The following CCDC7 variants were observed in gnomAD, a reference collection of about 807,000 sequenced individuals.
CCDC7 encodes the protein coiled-coil domain containing 7.
Under a neutral mutation model 196.9 loss-of-function variants are expected in CCDC7, and 183 were observed. The observed-to-expected ratio is 0.93, with a 90% confidence interval of 0.82 to 1.05. The LOEUF (loss-of-function observed/expected upper bound fraction) is 1.05. Ranked by LOEUF, CCDC7 falls within the 50% of genes least tolerant of loss-of-function variation. The pLI is 0.00. For synonymous variants in CCDC7, 525 were observed against 484.6 expected (o/e 1.08, Z -1.10); for missense variants, 1,540 against 1,482.2 (o/e 1.04, Z -0.64).
At chr10:32,483,003 G>C (rs1346539679) in intron 8 of CCDC7, among the ~76,000 whole-genome samples, 6 of 152,014 alleles carry the variant, frequency 3.9e-5, no homozygotes, top group Non-Finnish European at 5.9e-5. Flanking sequence ...TAATCCTTTG[G>C]GTATATACCC....
intron 28 of CCDC7, among the ~76,000 whole-genome samples, chr10:32,775,176 C>A (rs1429013877): frequency 6.6e-6 from 1 of 152,166 alleles, no homozygotes; most frequent in South Asian, 2.1e-4. Flanking sequence ...AGTGATGACA[C>A]TTTGGAGGAA....
At chr10:32,582,106 C>CTATATATATATATATATATATATATATA (rs6143863) in intron 16 of CCDC7, among the ~76,000 whole-genome samples, 2 of 103,750 alleles carry the variant, frequency 1.9e-5, no homozygotes, top group Non-Finnish European at 4.4e-5. Flanking sequence ...ACTGTCAGCA[C>CTATATATATATATATATATATATATATA]TATATATATA....
In CCDC7 at chr10:32,529,677, T is replaced by G. The variant is rs538551256; in HGVS notation, c.993+11172T>G. 1.7e-4 allele frequency among the ~76,000 whole-genome samples: 26 copies of G among 152,354 alleles called. 1 individual carries two copies. In the South Asian group the frequency reaches 5.4e-3, roughly 32 times the overall value. On this transcript the variant is annotated intron_variant, in intron 11 of 41. Coordinates refer to ENST00000639629, the Ensembl canonical transcript of CCDC7. ...TTGTAGATTCTGGATATTAGTCTTT[T>G]GTCAGATGTATAGATTGTGAGAATT...
intron 21 of CCDC7, among the ~76,000 whole-genome samples, chr10:32,671,238 T>TC (rs1485607442): frequency 1.3e-5 from 2 of 152,216 alleles, no homozygotes; most frequent in African/African-American, 4.8e-5. Context: ...GTAAGTATTC[T>TC]ATACAGGTAT....
chr10:32,674,054 C>T (rs75140141), intron 21 of CCDC7, among the ~76,000 whole-genome samples: 6 of 151,502 alleles, frequency 4.0e-5, no homozygotes, highest in African/African-American at 9.7e-5. Flanking sequence ...TTTTCAAAAA[C>T]CGAACTCACA....
chr10:32,738,856 C>A (rs2085336963), intron 28 of CCDC7, among the ~76,000 whole-genome samples: 1 of 152,068 alleles, frequency 6.6e-6, no homozygotes, highest in Non-Finnish European at 1.5e-5. Context: ...TTCCTTCTCT[C>A]TGAAGAATGT....
In CCDC7 at chr10:32,686,024, C is replaced by A; in HGVS notation, c.2177C>A (p.Ser726Ter). 6.3e-7 allele frequency: 1 copy of A among 1,588,532 alleles called. No homozygotes were observed. Reference sequence around the variant, plus strand: ...GTAGTTGAGCATCAAGAATCATTGTCAAAAACCAAATTACAAATAAAGAAA... The same window carrying A: ...GTAGTTGAGCATCAAGAATCATTGTAAAAAACCAAATTACAAATAAAGAAA... Residue 726 changes from serine (S) to a stop codon, truncating the protein, a stop_gained, in exon 22 of 42, where the codon TCA (serine) becomes TAA (stop). Coordinates refer to ENST00000639629, the Ensembl canonical transcript of CCDC7. LOFTEE classifies it high-confidence loss of function.
intron 28 of CCDC7, among the ~76,000 whole-genome samples, chr10:32,729,981 A>G (rs1447227345): frequency 1.3e-5 from 2 of 151,892 alleles, no homozygotes; most frequent in East Asian, 1.9e-4. Flanking sequence ...AATTGTATAT[A>G]CTCTTTTTAA....
At chr10:32,658,178 G>A (rs1055811471) in intron 20 of CCDC7, among the ~76,000 whole-genome samples, 3 of 152,156 alleles carry the variant, frequency 2.0e-5, no homozygotes, top group African/African-American at 4.8e-5. Flanking sequence ...TAGTTCCAAA[G>A]TTGCTTCTAC....
At chr10:32,606,633 A>G (rs1018252793) in intron 18 of CCDC7, among the ~76,000 whole-genome samples, 7 of 152,202 alleles carry the variant, frequency 4.6e-5, no homozygotes, top group African/African-American at 1.4e-4. Context: ...TTGGAGCTTT[A>G]AGATTTAATA....
chr10:32,681,749 ACACACACAC>A (rs1396742022), intron 21 of CCDC7, among the ~76,000 whole-genome samples: 17 of 146,558 alleles, frequency 1.2e-4, no homozygotes, highest in Non-Finnish European at 2.4e-4. Context: ...ACACACACAC[ACACACACAC>A]ACACACACAC....
chr10:32,608,024 C>T (rs1376209200), intron 18 of CCDC7, among the ~76,000 whole-genome samples: 1 of 152,012 alleles, frequency 6.6e-6, no homozygotes, highest in Non-Finnish European at 1.5e-5. Context: ...TTAACAGACA[C>T]TGTTCAATTT....
At chr10:32,621,853 C>T (rs1283604307) in intron 18 of CCDC7, among the ~76,000 whole-genome samples, 2 of 152,262 alleles carry the variant, frequency 1.3e-5, no homozygotes, top group South Asian at 4.1e-4. Flanking sequence ...AAGGGTGGAT[C>T]TTCTTTAGCC....
At chr10:32,754,090 T>C (rs935005282) in intron 28 of CCDC7, among the ~76,000 whole-genome samples, 1 of 152,108 alleles carries the variant, frequency 6.6e-6, no homozygotes, top group African/African-American at 2.4e-5. Flanking sequence ...GTATAACCAA[T>C]GTAATAAAAA....
chr10:32,643,587 T>C (rs1031572367), intron 20 of CCDC7, among the ~76,000 whole-genome samples: 1 of 152,068 alleles, frequency 6.6e-6, no homozygotes, highest in African/African-American at 2.4e-5. Context: ...TACTTCTCTT[T>C]AATTTATTTC....
At chr10:32,702,272 T>C (rs2078888589) in intron 24 of CCDC7, among the ~76,000 whole-genome samples, 1 of 152,220 alleles carries the variant, frequency 6.6e-6, no homozygotes, top group Non-Finnish European at 1.5e-5. Context: ...TTCATTTCGT[T>C]GTGTACCTAG....
At chr10:32,666,779 TG>T (rs1241186330) in intron 21 of CCDC7, among the ~76,000 whole-genome samples, 1 of 152,194 alleles carries the variant, frequency 6.6e-6, no homozygotes, top group Non-Finnish European at 1.5e-5. Flanking sequence ...CTATCATTGT[TG>T]GACATTTGGG....
At chr10:32,834,764 T>A in intron 32 of CCDC7, 51 bp from the exon 34 acceptor site, 1 of 764,208 alleles carries the variant, frequency 1.3e-6, no homozygotes, top group Middle Eastern at 3.4e-4. Context: ...CACGGACATA[T>A]GTTACAATTT....
chr10:32,792,655 G>A (rs1399896975), intron 29 of CCDC7, among the ~76,000 whole-genome samples: 3 of 151,964 alleles, frequency 2.0e-5, no homozygotes, highest in African/African-American at 7.3e-5. Flanking sequence ...ACAAAAATTC[G>A]CTGTGTGTGG....
Sources: allele counts gnomAD v4.1 joint callset (sites outside exome capture counted in the v4.1 genomes callset), GRCh38; gene constraint gnomAD v4.1.1; transcripts MANE v1.5; gene names NCBI Gene and HGNC (gene_info 2026-07-23, HGNC 2026-07-21).